Variants in UCP3 observed in about 807,000 individuals in gnomAD.
UCP3 encodes the protein putative mitochondrial transporter UCP3.
UCP3 carries 24 observed loss-of-function variants against 28.1 expected under a neutral mutation model. That is an observed-to-expected ratio of 0.85 (90% CI 0.62 to 1.20). UCP3 has a LOEUF of 1.20. Among genes scored for constraint, UCP3 ranks in the 50% most tolerant of loss-of-function variants. UCP3 has a pLI of 0.00. For synonymous variants in UCP3, 184 were observed against 171.2 expected (o/e 1.07, Z -0.59); for missense variants, 397 against 422.2 (o/e 0.94, Z 0.52).
intron 1 of UCP3, among the ~76,000 whole-genome samples, chr11:74,008,685 G>A (rs1951684143): frequency 6.6e-6 from 1 of 152,162 alleles, no homozygotes; most frequent in Non-Finnish European, 1.5e-5. Context: ...TCCTGTCTAT[G>A]GGGATTTGCA....
At chr11:74,002,740 G>A in intron 6 of UCP3, 2 of 985,216 alleles carry the variant, frequency 2.0e-6, no homozygotes, top group South Asian at 9.4e-5. Context: ...TGTAATGATA[G>A]AGGCACTTTT....
rs1255860639 is a variant in UCP3, at chr11:74,005,712, T to C, written c.541+18A>G. ...AAAGCTCTGCCTAAGACCGCCTGCGTCCAGAGTCCAGACCTACCTTTCCAC... is the reference window on the plus strand; with the variant it reads ...AAAGCTCTGCCTAAGACCGCCTGCGCCCAGAGTCCAGACCTACCTTTCCAC... On this transcript the variant is annotated intron_variant, in intron 4 of 6. Transcript: ENST00000314032. 6.2e-7 allele frequency: 1 copy of C among 1,613,744 alleles called. No individual in the cohort carries two copies. The highest frequency in any genetic ancestry group is 8.5e-7 in the Non-Finnish European group (1 of 1,180,002).
intron 4 of UCP3, 109 bp from the exon 5 acceptor site, chr11:74,004,694 CATAG>C: frequency 1.0e-6 from 1 of 954,334 alleles, no homozygotes; most frequent in Non-Finnish European, 1.6e-6. Context: ...GTTTTGGGGC[CATAG>C]TGCCCCATTC....
intron 4 of UCP3, among the ~76,000 whole-genome samples, chr11:74,004,966 G>A (rs1356488922): frequency 2.0e-5 from 3 of 152,212 alleles, no homozygotes; most frequent in Non-Finnish European, 4.4e-5. Flanking sequence ...GACAGAATGT[G>A]GTGCCAGCAG....
At chr11:74,004,400 G>A in intron 5 of UCP3, 84 bp downstream of exon 5, 1 of 1,260,362 alleles carries the variant, frequency 7.9e-7, no homozygotes, top group Non-Finnish European at 1.1e-6. Context: ...AAACCCAGTT[G>A]CCTCTGGGTG....
rs74907838 is a variant in UCP3 at position 74,006,174 on chromosome 11, G to A, written c.332C>T (p.Ala111Val). The A allele has an allele frequency of 6.9e-4, 1,110 of 1,614,098 alleles. 6 individuals carry two copies. In the African/African-American group the frequency reaches 0.012, roughly 17 times the overall value. Residue 111 changes from alanine to valine, a missense_variant, in exon 3 of 7, where the codon GCG becomes GTG. By Grantham distance (64) the Ala-to-Val change is moderately conservative (BLOSUM62 0). Transcript: ENST00000314032. Reference sequence around the variant, plus strand: ...TCAGGGACCTGGTCACTCACTGTCCGCGCCTTTGGGGGTGTACACCTGCTT... The same window carrying A: ...TCAGGGACCTGGTCACTCACTGTCCACGCCTTTGGGGGTGTACACCTGCTT... ...SVKQVYTPKG[A>V]DNSSLTTRIL... is the part of the protein sequence containing the mutation.
rs1188575024 is a variant in UCP3, at chr11:74,005,771, C to T, written c.500G>A (p.Arg167Lys). The change falls in exon 4 of 7, where the codon AGA becomes AAA. Residue 167 changes from arginine (R) to lysine (K), a missense_variant. By Grantham distance (26) the Arg-to-Lys change is conservative. Transcript: ENST00000314032. ...RKYSGTMDAY[R>K]TIAREEGVRG... ...GACTCCTTCCTCCCTGGCGATGGTT[C>T]TGTAGGCGTCCATAGTCCCGCTGTA... 5 of 1,614,216 alleles carry T rather than the reference C, an allele frequency of 3.1e-6. No homozygotes were observed. The highest frequency in any genetic ancestry group is 3.3e-5 in the Admixed American group (2 of 60,032).
At chr11:74,003,333 G>GGGAGGTAGGA (rs1951634657) in intron 6 of UCP3, 1 of 370,000 alleles carries the variant, frequency 2.7e-6, no homozygotes, top group Non-Finnish European at 3.7e-6. Context: ...TGGCATTGCA[G>GGGAGGTAGGA]AAGTTCCCAG....
rs912681618 is a variant in UCP3 at position 74,000,701 on chromosome 11, C to A, written c.*711G>T. On this transcript the variant is annotated 3_prime_UTR_variant, in exon 7 of 7. Coordinates refer to ENST00000314032, the MANE Select transcript of UCP3 (RefSeq NM_003356.4). Reference sequence around the variant, plus strand: ...TTCTCACTTGCATGTCATAGCACCCCTGGTGAGGTGGACAGGGAAGGGATG... The same window carrying A: ...TTCTCACTTGCATGTCATAGCACCCATGGTGAGGTGGACAGGGAAGGGATG... 1.3e-5 allele frequency: 2 copies of A among 152,312 alleles called. No homozygotes were observed. Among genetic ancestry groups the A allele is most frequent in the African/African-American group, 4.8e-5 (2 of 41,444 alleles). 9.4% of individuals were successfully genotyped at this position (152,312 alleles called of 1,614,324 possible).
At chr11:74,006,419 G>A (rs756205653) in intron 2 of UCP3, 40 bp from the exon 3 acceptor site, 9 of 1,486,746 alleles carry the variant, frequency 6.1e-6, no homozygotes, top group Non-Finnish European at 8.0e-6. Context: ...CAGATGGGAA[G>A]GCAAGAAGGG....
chr11:74,007,070 T>C lies in UCP3; in HGVS notation c.-28A>G. ...TCCTGGAAGGCTCTGCCCAGTCCCT[T>C]TAGGGCCGAGAGGAGGTCCAAGGAG... On this transcript the variant is annotated 5_prime_UTR_variant, in exon 2 of 7. Coordinates refer to ENST00000314032, the MANE Select transcript of UCP3 (RefSeq NM_003356.4). 6.2e-7 allele frequency: 1 copy of C among 1,612,778 alleles called. No individual in the cohort carries two copies. Among genetic ancestry groups the C allele is most frequent in the Non-Finnish European group, 8.5e-7 (1 of 1,179,800 alleles).
chr11:74,004,498 T>A lies in UCP3; in HGVS notation c.629A>T (p.Tyr210Phe). 1 of 1,614,120 alleles carries A rather than the reference T, an allele frequency of 6.2e-7. No homozygotes were observed. The highest frequency in any genetic ancestry group is 8.5e-7 in the Non-Finnish European group (1 of 1,179,984). The change falls in exon 5 of 7, where the codon TAC becomes TTC. Residue 210 changes from tyrosine to phenylalanine, a missense_variant. Coordinates refer to ENST00000314032, the MANE Select transcript of UCP3 (RefSeq NM_003356.4). ...YDILKEKLLD[Y>F]HLLTDNFPCH... The stretch of plus-strand genomic sequence containing the variant: ...CAGGGCCTCACCAGTGAGCAGGTGG[T>A]AGTCCAGCAGCTTCTCCTTGAGGAT...
rs1375244010 is a variant in UCP3, at chr11:74,001,440, A to C, written c.911T>G (p.Val304Gly). Residue 304 changes from valine to glycine, a missense_variant, in exon 7 of 7, where the codon GTC becomes GGC. Coordinates refer to ENST00000314032, the MANE Select transcript of UCP3 (RefSeq NM_003356.4). ...YEQLKRALMK[V>G]QMLRESPF Reference sequence around the variant, plus strand: ...AAACGGTGATTCCCGTAACATCTGGACTTTCATCAGGGCCCGTTTCAGCTG... The same window carrying C: ...AAACGGTGATTCCCGTAACATCTGGCCTTTCATCAGGGCCCGTTTCAGCTG... 8.1e-6 allele frequency: 13 copies of C among 1,614,114 alleles called. No homozygotes were observed. The highest frequency in any genetic ancestry group is 3.3e-4 in the Middle Eastern group (2 of 6,062).
intron 4 of UCP3, among the ~76,000 whole-genome samples, chr11:74,005,404 C>G (rs1451616742): frequency 6.6e-6 from 1 of 152,230 alleles, no homozygotes; most frequent in Non-Finnish European, 1.5e-5. Context: ...CTCTGGAGCT[C>G]CACCTCTGGG....
chr11:74,004,494 G>A lies in UCP3; in HGVS notation c.633C>T (p.His211=). 1 of 1,614,166 alleles carries A rather than the reference G, an allele frequency of 6.2e-7. No individual in the cohort carries two copies. The highest frequency in any genetic ancestry group is 8.5e-7 in the Non-Finnish European group (1 of 1,180,010). Residue 211 remains histidine (H), a synonymous_variant, in exon 5 of 7, where the codon CAC becomes CAT. Coordinates refer to ENST00000314032, the MANE Select transcript of UCP3 (RefSeq NM_003356.4). ...DILKEKLLDY[H]LLTDNFPCHF... ...AGCCCAGGGCCTCACCAGTGAGCAG[G>A]TGGTAGTCCAGCAGCTTCTCCTTGA...
In UCP3 at chr11:74,006,984, G is replaced by T. The variant is rs775441399; in HGVS notation, c.59C>A (p.Ala20Glu). 19 of 1,614,096 alleles carry T rather than the reference G, an allele frequency of 1.2e-5. No individual in the cohort carries two copies. The highest frequency in any genetic ancestry group is 1.5e-5 in the Non-Finnish European group (18 of 1,180,052). The change falls in exon 2 of 7, where the codon GCA (alanine) becomes GAA (glutamate). Residue 20 changes from alanine (A) to glutamate (E), a missense_variant. Coordinates refer to ENST00000314032, the MANE Select transcript of UCP3 (RefSeq NM_003356.4). Reference protein sequence around the residue: ...PPTMAVKFLGAGTAACFADLV... With the variant: ...PPTMAVKFLGEGTAACFADLV... ...GTCAGCAAAACAGGCTGCTGTGCCT[G>T]CCCCCAGGAACTTCACAGCCATGGT...
chr11:74,007,158 A>G (rs2135390138), intron 1 of UCP3, 21 bp from the exon 2 acceptor site: 1 of 1,389,502 alleles, frequency 7.2e-7, no homozygotes, highest in East Asian at 2.5e-5. Flanking sequence ...CAGGCCAGAG[A>G]AGGCTGATGG....
chr11:74,006,882 A>C, intron 2 of UCP3, 35 bp downstream of exon 2: 3 of 1,614,040 alleles, frequency 1.9e-6, no homozygotes, highest in Non-Finnish European at 2.5e-6. Context: ...CCCTCCTTCC[A>C]TGTGATCAAT....
chr11:74,001,896 T>A, intron 6 of UCP3: 1 of 290,762 alleles, frequency 3.4e-6, no homozygotes, highest in East Asian at 9.5e-5. Context: ...CGGTTCTAAC[T>A]CCACCCTGCT....
Sources: gnomAD v4.1 joint callset for allele counts (sites outside exome capture counted in the v4.1 genomes callset) on GRCh38, gnomAD v4.1.1 for gene constraint, MANE v1.5 for transcripts, NCBI Gene and HGNC (gene_info 2026-07-23, HGNC 2026-07-21) for gene names.